The following FAM186B variants were observed in gnomAD, a reference collection of about 807,000 sequenced individuals.
FAM186B encodes protein FAM186B.
A neutral mutation model predicts 83.4 loss-of-function variants in FAM186B; 68 were observed. The ratio of observed to expected loss-of-function variants is 0.81; its 90% CI spans 0.67 to 1.00. FAM186B has a LOEUF of 1.00. Ranked by LOEUF, FAM186B falls within the 50% of genes least tolerant of loss-of-function variation. The pLI is 0.00. For synonymous variants in FAM186B, 389 were observed against 422.0 expected (o/e 0.92, Z 0.96); for missense variants, 983 against 1,099.2 (o/e 0.89, Z 1.49).
intron 5 of FAM186B, among the ~76,000 whole-genome samples, chr12:49,591,811 C>T (rs1201677743): frequency 2.0e-5 from 3 of 152,194 alleles, no homozygotes; most frequent in South Asian, 4.1e-4. Context: ...CACCCACCCA[C>T]ATCCTCCTGT....
chr12:49,600,528 A>C lies in FAM186B; in HGVS notation c.1112T>G (p.Leu371Arg). The change falls in exon 4 of 7, where the codon CTT becomes CGT. Residue 371 changes from leucine to arginine, a missense_variant. Coordinates refer to ENST00000257894, the MANE Select transcript of FAM186B (RefSeq NM_032130.3). The surrounding 1 kb of genome is among the most constrained non-coding windows in gnomAD (Gnocchi z 4.3). ...PMKEEQLFSP[L>R]PPSPMAMIRD... ...TATCATGGCCATGGGACTTGGGGGA[A>C]GTGGCGAGAACAACTGCTCCTCCTT... The C allele has an allele frequency of 6.2e-7, 1 of 1,613,996 alleles. No homozygotes were observed. The highest frequency in any genetic ancestry group is 8.5e-7 in the Non-Finnish European group (1 of 1,179,974).
At chr12:49,606,416 G>A (rs534105332), upstream of FAM186B, among the ~76,000 whole-genome samples, 1 of 151,588 alleles carries the variant, frequency 6.6e-6, no homozygotes, top group Non-Finnish European at 1.5e-5. Flanking sequence ...GATCACTTGA[G>A]CCCAGGAGGT....
chr12:49,596,323 CAAAAAAA>C (rs933362822), intron 5 of FAM186B, among the ~76,000 whole-genome samples: 1 of 64,310 alleles, frequency 1.6e-5, no homozygotes, highest in Non-Finnish European at 3.3e-5. Flanking sequence ...ACCCCCGTCT[CAAAAAAA>C]AAAAAAAAAA....
intron 5 of FAM186B, chr12:49,594,038 G>A (rs945620476): frequency 1.0e-4 from 18 of 171,794 alleles, no homozygotes; most frequent in Non-Finnish European, 2.2e-4. Context: ...AGTTTGTGGT[G>A]GGTACTTGGG....
intron 5 of FAM186B, among the ~76,000 whole-genome samples, chr12:49,591,911 G>GA (rs1441883367): frequency 1.3e-5 from 2 of 151,684 alleles, no homozygotes; most frequent in African/African-American, 4.8e-5. Flanking sequence ...GGAATAACAA[G>GA]AAAAAAAAGT....
chr12:49,587,672 G>A lies in FAM186B; in HGVS notation c.2615C>T (p.Ala872Val), dbSNP rs565948864. 1.9e-6 allele frequency: 3 copies of A among 1,613,640 alleles called. No individual in the cohort carries two copies. Among genetic ancestry groups the A allele is most frequent in the Non-Finnish European group, 2.5e-6 (3 of 1,179,996 alleles). ...CCTCAGCTGGTCCCGGGGAAGGCTG[G>A]CAGGGGTCTTTTTTTCTATTGCGTA... ...SSYAIEKKTP[A>V]SLPRDQLRGH... The change falls in exon 7 of 7, where the codon GCC (alanine) becomes GTC (valine). Residue 872 changes from alanine to valine, a missense_variant. Ala to Val is a moderately conservative substitution (Grantham distance 64, BLOSUM62 0). Coordinates refer to ENST00000257894, the MANE Select transcript of FAM186B (RefSeq NM_032130.3).
chr12:49,604,227 G>A, intron 2 of FAM186B, 86 bp downstream of exon 2: 2 of 1,026,156 alleles, frequency 1.9e-6, no homozygotes, highest in Non-Finnish European at 1.5e-6. Flanking sequence ...CTTCACTGGA[G>A]AAGGGGATGT....
intron 1 of FAM186B, chr12:49,605,137 T>C (rs1482294307): frequency 7.5e-7 from 1 of 1,329,312 alleles, no homozygotes; most frequent in Non-Finnish European, 9.7e-7. Flanking sequence ...AGGGCTATCC[T>C]CGAGCTTCCT....
chr12:49,595,996 AAAT>A (rs1457787720), intron 5 of FAM186B, among the ~76,000 whole-genome samples: 1 of 152,190 alleles, frequency 6.6e-6, no homozygotes, highest in East Asian at 1.9e-4. Context: ...AAAAATAAAT[AAAT>A]AAAAATAAGA....
chr12:49,605,199 C>T, intron 1 of FAM186B, 183 bp downstream of exon 1: 2 of 1,424,720 alleles, frequency 1.4e-6, no homozygotes, highest in Non-Finnish European at 1.8e-6. Flanking sequence ...GCTTTCAGCT[C>T]ACCCTGTATA....
chr12:49,608,952 T>C (rs1940059637), upstream of FAM186B, among the ~76,000 whole-genome samples: 1 of 152,180 alleles, frequency 6.6e-6, no homozygotes, highest in Non-Finnish European at 1.5e-5. Context: ...CCACTTTTAA[T>C]CCAGGCATAC....
At chr12:49,609,155 G>A (rs1471214206), upstream of FAM186B, among the ~76,000 whole-genome samples, 4 of 152,172 alleles carry the variant, frequency 2.6e-5, no homozygotes, top group East Asian at 7.7e-4. Flanking sequence ...GACTGCTACA[G>A]CTGTGGTTTC....
chr12:49,598,023 G>A (rs1244337625), intron 5 of FAM186B, among the ~76,000 whole-genome samples: 5 of 152,226 alleles, frequency 3.3e-5, no homozygotes, highest in Admixed American at 6.5e-5. Flanking sequence ...TTGTGCCACC[G>A]CACTCCAGCC....
At chr12:49,603,160 C>G (rs746954961) in intron 3 of FAM186B, 25 bp downstream of exon 3, 2 of 1,613,756 alleles carry the variant, frequency 1.2e-6, no homozygotes, top group East Asian at 2.2e-5. Context: ...ACCTAGCTCC[C>G]TGGCCAGGTG....
upstream of FAM186B, among the ~76,000 whole-genome samples, chr12:49,609,189 G>C (rs1228717612): frequency 1.3e-5 from 2 of 152,202 alleles, no homozygotes; most frequent in Non-Finnish European, 2.9e-5. Context: ...GATGCAACCA[G>C]GGTCAGCTTG....
At chr12:49,588,727 C>T in intron 5 of FAM186B, 104 bp from the exon 6 acceptor site, 1 of 1,206,712 alleles carries the variant, frequency 8.3e-7, no homozygotes, top group South Asian at 1.5e-5. Context: ...GGACTCAGGG[C>T]TGAGTGGAGA....
At chr12:49,612,366 A>G in the FAM186B span, among the ~76,000 whole-genome samples, 3 of 136,322 alleles carry the variant, frequency 2.2e-5, no homozygotes, top group African/African-American at 9.5e-5. Flanking sequence ...AATCCAACAA[A>G]GTTTTTTTTT....
chr12:49,589,064 T>G (rs1310419795), intron 5 of FAM186B, among the ~76,000 whole-genome samples: 2 of 152,172 alleles, frequency 1.3e-5, no homozygotes, highest in East Asian at 3.8e-4. Context: ...GTCATATCCC[T>G]TTCATTCTCA....
rs551377200 is a variant in FAM186B at position 49,599,684 on chromosome 12, T to C, written c.1956A>G (p.Ile652Met). ...CCTTCTTCTTAATATTTGCAGGGGA[T>C]ATCTGCAAAGAGGGCCAGGTCAGCC... ...IRRLTWPSLQ[I>M]SPANIKKKVY... is the part of the protein sequence containing the mutation. The change falls in exon 4 of 7, where the codon ATA becomes ATG. Residue 652 changes from isoleucine (I) to methionine (M), a missense_variant. Physicochemically the swap from Ile to Met is conservative, Grantham distance 10. Coordinates refer to ENST00000257894, the MANE Select transcript of FAM186B (RefSeq NM_032130.3). 3.5e-4 allele frequency: 561 copies of C among 1,608,586 alleles called. 7 individuals are homozygous for C. The South Asian group carries it at 5.7e-3, about 16-fold the overall frequency.
Sources: allele counts gnomAD v4.1 joint callset (sites outside exome capture counted in the v4.1 genomes callset), GRCh38; gene constraint gnomAD v4.1.1; non-coding constraint Gnocchi (gnomAD v3.1); transcripts MANE v1.5; gene names NCBI Gene and HGNC (gene_info 2026-07-23, HGNC 2026-07-21).